Variants in BCAS3 observed in about 807,000 individuals in gnomAD.
BCAS3 encodes BCAS3 microtubule associated cell migration factor, also known as BCAS4/BCAS3 fusion.
BCAS3 carries 53 observed loss-of-function variants against 116.1 expected under a neutral mutation model. The ratio of observed to expected loss-of-function variants is 0.46; its 90% CI spans 0.37 to 0.57. The LOEUF is 0.57. BCAS3 is among the 20% of genes least tolerant of loss of function. BCAS3 has a pLI of 0.00. For missense variants in BCAS3, 917 were observed against 1,165.4 expected, an observed-to-expected ratio of 0.79 and a Z score of 3.10; for synonymous variants, 391 against 408.2, an observed-to-expected ratio of 0.96 and a Z score of 0.51.
rs1338507432 is a variant in BCAS3, at chr17:61,205,850, G to T, written c.2425+121286G>T. On this transcript the variant is annotated intron_variant, in intron 22 of 23. Transcript: ENST00000407086. The surrounding 1 kb of genome is among the most constrained non-coding windows in gnomAD (Gnocchi z 5.2). ...GGTGAATAGTCATTGTATTCTTAGG[G>T]TGTGAAACTGTTTCGGGAGCAAAAG... is the stretch of plus-strand genomic sequence containing the variant. Among the ~76,000 whole-genome samples, 1 of 152,148 alleles carries T rather than the reference G, an allele frequency of 6.6e-6. No individual in the cohort carries two copies. The highest frequency in any genetic ancestry group is 6.5e-5 in the Admixed American group (1 of 15,278).
chr17:60,798,488 G>A (rs568125469), intron 6 of BCAS3, among the ~76,000 whole-genome samples: 5 of 152,216 alleles, frequency 3.3e-5, no homozygotes, highest in South Asian at 2.1e-4. Flanking sequence ...CTTTCAATGA[G>A]CAATATGCAT....
At chr17:61,295,924 C>T (rs2052851797) in intron 22 of BCAS3, among the ~76,000 whole-genome samples, 1 of 147,630 alleles carries the variant, frequency 6.8e-6, no homozygotes, top group Admixed American at 6.8e-5. Flanking sequence ...CATTGCACTC[C>T]AGCCTGGGCA....
At chr17:61,081,507 G>A (rs975104414) in intron 21 of BCAS3, among the ~76,000 whole-genome samples, 1 of 152,104 alleles carries the variant, frequency 6.6e-6, no homozygotes, top group African/African-American at 2.4e-5. Context: ...AATTGTTTAT[G>A]TTTGATTAGA....
chr17:61,107,645 A>G (rs1046947152), intron 22 of BCAS3, among the ~76,000 whole-genome samples: 4 of 152,224 alleles, frequency 2.6e-5, no homozygotes, highest in Non-Finnish European at 5.9e-5. Context: ...AAAATGGATT[A>G]TAATGCCTTT....
chr17:61,127,913 A>T (rs971117934), intron 22 of BCAS3, among the ~76,000 whole-genome samples: 5 of 151,908 alleles, frequency 3.3e-5, no homozygotes, highest in African/African-American at 9.7e-5. Flanking sequence ...AAGAAAACTT[A>T]AGGAGTACAT....
intron 22 of BCAS3, among the ~76,000 whole-genome samples, chr17:61,231,979 G>T (rs1490657609): frequency 1.3e-5 from 2 of 151,548 alleles, no homozygotes; most frequent in Non-Finnish European, 2.9e-5. Context: ...GGCCGAGGGG[G>T]GTGGATCACA....
intron 22 of BCAS3, among the ~76,000 whole-genome samples, chr17:61,146,091 C>T (rs113803765): frequency 9.0e-4 from 132 of 147,270 alleles, no homozygotes; most frequent in African/African-American, 3.1e-3. Flanking sequence ...GTACTGTTCA[C>T]AAGGTTACTT....
intron 22 of BCAS3, among the ~76,000 whole-genome samples, chr17:61,328,028 AATT>A (rs1386912994): frequency 6.6e-6 from 1 of 152,228 alleles, no homozygotes; most frequent in Non-Finnish European, 1.5e-5. Context: ...ATATAGGTAA[AATT>A]ATTAAGGTAT....
chr17:60,915,028 A>G (rs2058707975), intron 12 of BCAS3, among the ~76,000 whole-genome samples: 1 of 152,184 alleles, frequency 6.6e-6, no homozygotes, highest in Non-Finnish European at 1.5e-5. Flanking sequence ...ACTTGTTATT[A>G]ATGAGAAAGC....
At chr17:60,821,551 A>G (rs890361638) in intron 7 of BCAS3, among the ~76,000 whole-genome samples, 3 of 152,046 alleles carry the variant, frequency 2.0e-5, no homozygotes, top group African/African-American at 4.8e-5. Context: ...CCAATGTTCT[A>G]CTTTCTGTTA....
intron 15 of BCAS3, among the ~76,000 whole-genome samples, chr17:60,992,842 A>G (rs568675472): frequency 1.3e-5 from 2 of 152,314 alleles, no homozygotes; most frequent in East Asian, 1.9e-4. Context: ...TTTTCTATGT[A>G]GATGTGTAGT....
intron 7 of BCAS3, among the ~76,000 whole-genome samples, chr17:60,865,723 A>G (rs1377649535): frequency 6.6e-6 from 1 of 152,134 alleles, no homozygotes; most frequent in Non-Finnish European, 1.5e-5. Flanking sequence ...TTTTATTTCT[A>G]CCTTGACAAT....
At position 61,313,664 on chromosome 17, in the gene BCAS3, A is replaced by G. The variant is rs780022484; in HGVS notation, c.2426-54663A>G. Among the ~76,000 whole-genome samples the G allele has an allele frequency of 6.6e-6, 1 of 152,210 alleles. No homozygotes were observed. Among genetic ancestry groups the G allele is most frequent in the South Asian group, 2.1e-4 (1 of 4,832 alleles). On this transcript the variant is annotated intron_variant, in intron 22 of 23. Transcript: ENST00000407086. The surrounding 1 kb of genome is among the most constrained non-coding windows in gnomAD (Gnocchi z 4.3). ...GTCCTGCTCGCTGAAGAGGTACAGC[A>G]TCTGGAGGAGGACTTTCCGGCCAGG...
At chr17:60,803,406 A>G (rs909858771) in intron 6 of BCAS3, among the ~76,000 whole-genome samples, 3 of 152,212 alleles carry the variant, frequency 2.0e-5, no homozygotes, top group African/African-American at 7.2e-5. Flanking sequence ...AGATTCTGCG[A>G]TGTAAAGTAA....
chr17:60,726,005 C>T (rs1242305390), intron 5 of BCAS3, among the ~76,000 whole-genome samples: 1 of 152,088 alleles, frequency 6.6e-6, no homozygotes, highest in Non-Finnish European at 1.5e-5. Flanking sequence ...AAGCGATTCT[C>T]CTGCCTCAGC....
At chr17:60,802,371 C>CATATATATATATATAT (rs533515914) in intron 6 of BCAS3, among the ~76,000 whole-genome samples, 161 of 111,918 alleles carry the variant, frequency 1.4e-3, no homozygotes, top group African/African-American at 5.8e-3. Flanking sequence ...TACATACATA[C>CATATATATATATATAT]ATATATATAT....
intron 22 of BCAS3, among the ~76,000 whole-genome samples, chr17:61,231,282 AT>A (rs2082664417): frequency 6.6e-6 from 1 of 151,530 alleles, no homozygotes; most frequent in South Asian, 2.1e-4. Context: ...AGTGTTTTTA[AT>A]TTTTTGCTTG....
At position 61,015,858 on chromosome 17, in the gene BCAS3, A is replaced by T; in HGVS notation, c.1594A>T (p.Ile532Phe). The T allele has an allele frequency of 6.2e-7, 1 of 1,614,090 alleles. No homozygotes were observed. ...GATGGTAGTGATGCCTCTTGCACAA[A>T]TCAAGCAGCCAATGACATTGGGGAC... ...SLMVVMPLAQIKQPMTLGTIT... is the reference protein window; with the variant it reads ...SLMVVMPLAQFKQPMTLGTIT... Residue 532 changes from isoleucine (I) to phenylalanine (F), a missense_variant, in exon 16 of 24, where the codon ATC (isoleucine) becomes TTC (phenylalanine). Physicochemically the swap from Ile to Phe is conservative, Grantham distance 21. This residue lies in a region of BCAS3 where 807 missense variants were observed against 1,026.0 expected (regional missense o/e 0.79). Transcript: ENST00000407086.
chr17:60,816,268 C>G (rs1326419675), intron 7 of BCAS3, among the ~76,000 whole-genome samples: 1 of 136,500 alleles, frequency 7.3e-6, no homozygotes, highest in African/African-American at 3.4e-5. Context: ...ACTTTTCTTT[C>G]TTTTTCTTTT....
Sources: gnomAD v4.1 joint callset for allele counts (sites outside exome capture counted in the v4.1 genomes callset) on GRCh38, gnomAD v4.1.1 for gene constraint, gnomAD v4.1.1 regional missense constraint, Gnocchi (gnomAD v3.1) non-coding constraint, MANE v1.5 for transcripts, NCBI Gene and HGNC (gene_info 2026-07-23, HGNC 2026-07-21) for gene names.